Variants in CYRIB observed in about 807,000 individuals in gnomAD.
CYRIB encodes CYFIP related Rac1 interactor B.
A neutral mutation model predicts 44.2 loss-of-function variants in CYRIB; 8 were observed. The ratio of observed to expected loss-of-function variants is 0.18; its 90% CI spans 0.11 to 0.33. The LOEUF (loss-of-function observed/expected upper bound fraction) is 0.33, where lower values mean the gene tolerates loss of function less well. Among genes scored for constraint, CYRIB ranks in the 10% least tolerant of loss-of-function variants. The probability of loss-of-function intolerance (pLI) is 1.00; values close to 1 mark genes in which losing one functional copy is unlikely to be tolerated. For missense variants in CYRIB, 185 were observed against 382.8 expected (o/e 0.48, Z 4.31); for synonymous variants, 131 against 127.2 (o/e 1.03, Z -0.20).
chr8:129,924,490 C>G (rs571801870), intron 1 of CYRIB, among the ~76,000 whole-genome samples: 5 of 152,032 alleles, frequency 3.3e-5, no homozygotes, highest in African/African-American at 1.2e-4. Context: ...ATTAGAAAAA[C>G]AATTGTAACC....
intron 1 of CYRIB, among the ~76,000 whole-genome samples, chr8:129,936,979 T>A (rs1186789303): frequency 4.6e-5 from 7 of 152,190 alleles, no homozygotes; most frequent in Admixed American, 6.5e-5. Context: ...AGTGTTGGGA[T>A]TACAGGCGTG....
At chr8:129,895,017 G>A (rs1435228671) in intron 2 of CYRIB, among the ~76,000 whole-genome samples, 2 of 148,248 alleles carry the variant, frequency 1.3e-5, no homozygotes, top group Admixed American at 6.8e-5. Context: ...GGCTCACTGC[G>A]ACCTCAACCA....
chr8:130,006,912 T>G (rs1409681149), intron 1 of CYRIB, among the ~76,000 whole-genome samples: 1 of 151,722 alleles, frequency 6.6e-6, no homozygotes, highest in Non-Finnish European at 1.5e-5. Flanking sequence ...TCCTTTCAAA[T>G]TCAATCCCCC....
chr8:129,922,699 T>C (rs1374786752), intron 1 of CYRIB, among the ~76,000 whole-genome samples: 1 of 150,248 alleles, frequency 6.7e-6, no homozygotes, highest in African/African-American at 2.5e-5. Context: ...CTGTCTCAAC[T>C]AAAAATACAA....
intron 1 of CYRIB, among the ~76,000 whole-genome samples, chr8:129,924,109 C>A (rs1456326305): frequency 3.6e-4 from 42 of 115,920 alleles, no homozygotes; most frequent in East Asian, 2.9e-3. Flanking sequence ...ATCTCCACCC[C>A]AAAAAAAAAA....
chr8:129,925,895 T>C (rs2087391277), intron 1 of CYRIB, among the ~76,000 whole-genome samples: 1 of 152,212 alleles, frequency 6.6e-6, no homozygotes, highest in African/African-American at 2.4e-5. Flanking sequence ...GAAAGACTCC[T>C]AGAATACCAA....
chr8:129,969,930 C>T (rs927019769), intron 2 of CYRIB, among the ~76,000 whole-genome samples: 2 of 152,150 alleles, frequency 1.3e-5, no homozygotes, highest in African/African-American at 4.8e-5. Context: ...GTGTTTTATC[C>T]TTTTGCTTTT....
At chr8:129,998,137 AAC>A (rs1370497913) in intron 1 of CYRIB, among the ~76,000 whole-genome samples, 13 of 147,436 alleles carry the variant, frequency 8.8e-5, no homozygotes, top group African/African-American at 3.2e-4. Flanking sequence ...AAAAAAAAAA[AAC>A]AAAAAAAACA....
At chr8:129,966,320 G>A (rs1198061147) in intron 2 of CYRIB, among the ~76,000 whole-genome samples, 1 of 152,140 alleles carries the variant, frequency 6.6e-6, no homozygotes, top group Non-Finnish European at 1.5e-5. Context: ...AGGATCAGAG[G>A]GTATGTGCAC....
At chr8:129,848,018 C>T (rs532927111) in intron 10 of CYRIB, among the ~76,000 whole-genome samples, 1 of 152,182 alleles carries the variant, frequency 6.6e-6, no homozygotes, top group Non-Finnish European at 1.5e-5. Flanking sequence ...GTTGGCCAGG[C>T]TGGTCTTGAA....
intron 1 of CYRIB, among the ~76,000 whole-genome samples, chr8:130,010,246 G>A (rs1032465047): frequency 4.6e-5 from 7 of 152,216 alleles, no homozygotes; most frequent in African/African-American, 1.7e-4. Context: ...CAAGGGCAGA[G>A]GTACATTTTG....
rs148440734 is a variant in CYRIB, at chr8:129,858,951, G to A, written c.302-3204C>T. 8.5e-3 allele frequency among the ~76,000 whole-genome samples: 1,292 copies of A among 152,288 alleles called. 17 individuals carry two copies. Among genetic ancestry groups the A allele is most frequent in the African/African-American group, 0.03 (1,229 of 41,560 alleles). ...CCACAGGGTCGGTGGGTTTCTCCCC[G>A]TGTGCAGAGACGAGAGAGTGTAGAA... On this transcript the variant is annotated intron_variant, in intron 5 of 11. Coordinates refer to ENST00000519824, the Ensembl canonical transcript of CYRIB.
intron 5 of CYRIB, among the ~76,000 whole-genome samples, chr8:129,861,867 G>A (rs2049875730): frequency 6.6e-6 from 1 of 152,052 alleles, no homozygotes; most frequent in Non-Finnish European, 1.5e-5. Flanking sequence ...AAATCACTTG[G>A]TAGAATCTCT....
intron 1 of CYRIB, among the ~76,000 whole-genome samples, chr8:129,938,176 T>C (rs2093149729): frequency 1.3e-5 from 2 of 152,168 alleles, no homozygotes. Context: ...GGAGTTTCAG[T>C]TAACTGCAAC....
At chr8:129,956,239 A>G (rs2094823913) in intron 2 of CYRIB, among the ~76,000 whole-genome samples, 1 of 152,178 alleles carries the variant, frequency 6.6e-6, no homozygotes, top group Non-Finnish European at 1.5e-5. Context: ...GGCTACTACC[A>G]TTGTCACTTC....
upstream of CYRIB, chr8:130,016,642 G>A (rs1253036760): frequency 6.7e-6 from 1 of 149,198 alleles, no homozygotes; most frequent in Admixed American, 6.7e-5. Context: ...TCGCACAAAA[G>A]GAGGACGCTC....
rs542323796 is a variant in CYRIB at position 130,001,893 on chromosome 8, T to C, written c.-296+14477A>G. 3.3e-5 allele frequency among the ~76,000 whole-genome samples: 5 copies of C among 152,260 alleles called. No individual in the cohort carries two copies. The East Asian group carries it at 7.7e-4, about 24-fold the overall frequency. On this transcript the variant is annotated intron_variant, in intron 1 of 14. Transcript: ENST00000401979. ...GGAATGGTGAGATTCTAGAAAAATC[T>C]TGTGACCTCCCTCTGACCCCAGGTT...
At chr8:129,888,830 T>C (rs111617620) in intron 2 of CYRIB, among the ~76,000 whole-genome samples, 1 of 152,154 alleles carries the variant, frequency 6.6e-6, no homozygotes, top group Non-Finnish European at 1.5e-5. Context: ...CAGTGGTTCA[T>C]GCCTGTAATC....
intron 9 of CYRIB, chr8:129,850,368 G>C (rs1177357644): frequency 1.3e-5 from 2 of 157,956 alleles, no homozygotes; most frequent in Non-Finnish European, 2.8e-5. Flanking sequence ...ATTCAGGTTC[G>C]TGTTGGAAAA....
Sources: gnomAD v4.1 joint callset for allele counts (sites outside exome capture counted in the v4.1 genomes callset) on GRCh38, gnomAD v4.1.1 for gene constraint, MANE v1.5 for transcripts, NCBI Gene and HGNC (gene_info 2026-07-23, HGNC 2026-07-21) for gene names.